The following AHNAK variants were observed in gnomAD, a reference collection of about 807,000 sequenced individuals.
AHNAK encodes AHNAK nucleoprotein.
In AHNAK, 23 loss-of-function variants were observed where a neutral mutation model predicts 37.8. The observed-to-expected ratio is 0.61, with a 90% CI of 0.44 to 0.86. The LOEUF is 0.86. Among genes scored for constraint, AHNAK ranks in the 40% least tolerant of loss-of-function variants. AHNAK has a pLI of 0.00. For missense variants in AHNAK, 7,411 were observed against 7,319.4 expected, an observed-to-expected ratio of 1.01 and a Z score of -0.46; for synonymous variants, 2,481 against 2,636.3, an observed-to-expected ratio of 0.94 and a Z score of 1.80.
Position 62,517,240 on chromosome 11 carries a change from C to A in AHNAK, c.17177G>T (p.Gly5726Val), listed in dbSNP as rs770916692. ...TGCTTCTGGTGAGCCAGTGACACCA[C>A]CTTTCCCTTTAGGTTTGGAAAAATT... ...KFNFSKPKGK[G>V]GVTGSPEASI... Residue 5726 changes from glycine to valine, a missense_variant, in exon 5 of 5, where the codon GGT becomes GTT. Physicochemically the swap from Gly to Val is moderately radical, Grantham distance 109. Transcript: ENST00000378024. The A allele has an allele frequency of 1.2e-6, 2 of 1,614,188 alleles. No homozygotes were observed. The highest frequency in any genetic ancestry group is 1.3e-5 in the African/African-American group (1 of 75,054).
At chr11:62,537,700 T>G (rs1940996094) in intron 1 of AHNAK, among the ~76,000 whole-genome samples, 1 of 151,526 alleles carries the variant, frequency 6.6e-6, no homozygotes, top group Non-Finnish European at 1.5e-5. Flanking sequence ...TTTTTTTTTT[T>G]GAGACGGAAT....
intron 4 of AHNAK, among the ~76,000 whole-genome samples, chr11:62,508,614 C>G (rs1281024096): frequency 6.6e-6 from 1 of 152,232 alleles, no homozygotes; most frequent in Non-Finnish European, 1.5e-5. Flanking sequence ...GGAAATGAAA[C>G]TGCCCTCCTC....
intron 1 of AHNAK, among the ~76,000 whole-genome samples, chr11:62,542,591 T>C (rs1057279344): frequency 6.6e-6 from 1 of 152,158 alleles, no homozygotes; most frequent in Non-Finnish European, 1.5e-5. Context: ...CATCCCATGC[T>C]ACAGTGAGCT....
At chr11:62,502,782 A>G (rs752416082) in intron 4 of AHNAK, among the ~76,000 whole-genome samples, 2 of 152,200 alleles carry the variant, frequency 1.3e-5, no homozygotes, top group Non-Finnish European at 2.9e-5. Context: ...TGAGGAAGAA[A>G]AGCCTGCATG....
rs149876125 is a variant in AHNAK at position 62,523,466 on chromosome 11, C to G, written c.10951G>C (p.Asp3651His). 1.1e-4 allele frequency: 175 copies of G among 1,613,426 alleles called. 1 individual carries two copies. In the East Asian group the frequency reaches 2.5e-3, roughly 23 times the overall value. The change falls in exon 5 of 5, where the codon GAT (aspartate) becomes CAT (histidine). Residue 3651 changes from aspartate to histidine, a missense_variant. By Grantham distance (81) the Asp-to-His change is moderately conservative. Transcript: ENST00000378024. ...AACTTGGGGCCCTTCAGCTTTGCAT[C>G]TGGACCTTCAATATTCACGTCTGGA... ...DVPDVNIEGPDAKLKGPKFKM... is the reference protein window; with the variant it reads ...DVPDVNIEGPHAKLKGPKFKM...
chr11:62,543,219 G>A (rs575878044), intron 1 of AHNAK, among the ~76,000 whole-genome samples: 10 of 152,292 alleles, frequency 6.6e-5, no homozygotes, highest in African/African-American at 1.2e-4. Flanking sequence ...CAAACTGCGC[G>A]TGCGGACATG....
rs1334649328 is a variant in AHNAK, at chr11:62,519,685, A to T, written c.14732T>A (p.Ile4911Lys). Residue 4911 changes from isoleucine (I) to lysine (K), a missense_variant, in exon 5 of 5, where the codon ATA (isoleucine) becomes AAA (lysine). Ile to Lys is a moderately radical substitution (Grantham distance 102). Coordinates refer to ENST00000378024, the MANE Select transcript of AHNAK (RefSeq NM_001620.3). ...GPSLKMPSLE[I>K]SAPKVTAPDV... ...AGGAGCAGTTACTTTAGGAGCAGAT[A>T]TCTCCAGCGATGGCATCTTCAAAGA... 6.2e-7 allele frequency: 1 copy of T among 1,613,976 alleles called. No homozygotes were observed. The highest frequency in any genetic ancestry group is 1.3e-5 in the African/African-American group (1 of 74,902).
chr11:62,507,200 G>A (rs1476976525), intron 4 of AHNAK, among the ~76,000 whole-genome samples: 6 of 152,084 alleles, frequency 3.9e-5, no homozygotes, highest in Non-Finnish European at 7.4e-5. Context: ...ACAGACCCCC[G>A]TGTGAATCCT....
downstream of AHNAK, chr11:62,515,785 A>T: frequency 2.8e-6 from 2 of 722,780 alleles, no homozygotes; most frequent in Non-Finnish European, 3.5e-6. Flanking sequence ...ACTGTCTTAA[A>T]GTCACTGATG....
intron 4 of AHNAK, among the ~76,000 whole-genome samples, chr11:62,506,487 A>G (rs1179824793): frequency 6.6e-6 from 1 of 152,152 alleles, no homozygotes; most frequent in Non-Finnish European, 1.5e-5. Flanking sequence ...TGTCAGGGGC[A>G]GGAGCAACTT....
At chr11:62,439,405 A>G (rs184394877) in intron 5 of AHNAK, among the ~76,000 whole-genome samples, 3 of 151,222 alleles carry the variant, frequency 2.0e-5, no homozygotes, top group Non-Finnish European at 3.0e-5. Flanking sequence ...CAGTTTCCCT[A>G]TTTTTCTCAT....
chr11:62,538,029 G>T (rs1258103147), intron 1 of AHNAK, among the ~76,000 whole-genome samples: 6 of 151,998 alleles, frequency 3.9e-5, no homozygotes, highest in Non-Finnish European at 8.8e-5. Flanking sequence ...TCTGCTGCTT[G>T]TAACAGGTGG....
rs1243854777 is a variant in AHNAK at position 62,531,178 on chromosome 11, T to C, written c.3239A>G (p.Lys1080Arg). 6.2e-7 allele frequency: 1 copy of C among 1,614,122 alleles called. No individual in the cohort carries two copies. The highest frequency in any genetic ancestry group is 8.5e-7 in the Non-Finnish European group (1 of 1,180,022). Residue 1080 changes from lysine (K) to arginine (R), a missense_variant, in exon 5 of 5, where the codon AAA (lysine) becomes AGA (arginine). Physicochemically the swap from Lys to Arg is conservative, Grantham distance 26 (BLOSUM62 2). Transcript: ENST00000378024. Reference sequence around the variant, plus strand: ...AGAGATATCTACATTTCCTTTCATTTTGGGTCCTTTAAGATCCAGGTCAAC... The same window carrying C: ...AGAGATATCTACATTTCCTTTCATTCTGGGTCCTTTAAGATCCAGGTCAAC... The part of the protein sequence containing the change: ...PDVDLDLKGP[K>R]MKGNVDISAP...
Position 62,527,923 on chromosome 11 carries a change from G to T in AHNAK, c.6494C>A (p.Ala2165Glu), listed in dbSNP as rs756775428. Residue 2165 changes from alanine to glutamate, a missense_variant, in exon 5 of 5, where the codon GCA (alanine) becomes GAA (glutamate). Transcript: ENST00000378024. ...VPDVELECPD[A>E]KLKGPKFKMP... ...CTTAAACTTGGGCCCTTTCAACTTT[G>T]CATCAGGACACTCCAGCTCAACATC... 103 of 1,609,042 alleles carry T rather than the reference G, an allele frequency of 6.4e-5. No individual in the cohort carries two copies. The highest frequency in any genetic ancestry group is 7.8e-5 in the Non-Finnish European group (92 of 1,178,856).
At chr11:62,462,619 C>T (rs947614918) in intron 5 of AHNAK, among the ~76,000 whole-genome samples, 1 of 152,180 alleles carries the variant, frequency 6.6e-6, no homozygotes, top group Non-Finnish European at 1.5e-5. Context: ...TAATCCAGAT[C>T]TTCTAACGCT....
In AHNAK at chr11:62,526,886, G is replaced by C. The variant is rs1940511922; in HGVS notation, c.7531C>G (p.Pro2511Ala). 6.2e-7 allele frequency: 1 copy of C among 1,613,978 alleles called. No homozygotes were observed. The highest frequency in any genetic ancestry group is 1.1e-5 in the South Asian group (1 of 91,088). The change falls in exon 5 of 5, where the codon CCC (proline) becomes GCC (alanine). Residue 2511 changes from proline (P) to alanine (A), a missense_variant. By Grantham distance (27) the Pro-to-Ala change is conservative. Coordinates refer to ENST00000378024, the MANE Select transcript of AHNAK (RefSeq NM_001620.3). ...VQAPDWHLKMPKMKMPKFSMP... is the reference protein window; with the variant it reads ...VQAPDWHLKMAKMKMPKFSMP... Reference sequence around the variant, plus strand: ...CTGAACTTGGGCATTTTCATCTTGGGCATCTTCAGGTGCCAGTCTGGAGCT... The same window carrying C: ...CTGAACTTGGGCATTTTCATCTTGGCCATCTTCAGGTGCCAGTCTGGAGCT...
Position 62,516,933 on chromosome 11 carries a change from C to G in AHNAK, c.17484G>C (p.Leu5828Phe). ...CATAATGACCTTTGCTCTTTGACCC[C>G]AATCCACCAAAGGTACCGAATTTCA... ...GKLKFGTFGGLGSKSKGHYEV... is the reference protein window; with the variant it reads ...GKLKFGTFGGFGSKSKGHYEV... The change falls in exon 5 of 5, where the codon TTG becomes TTC. Residue 5828 changes from leucine to phenylalanine, a missense_variant. Leu to Phe is a conservative substitution (Grantham distance 22). Coordinates refer to ENST00000378024, the MANE Select transcript of AHNAK (RefSeq NM_001620.3). 1 of 1,613,934 alleles carries G rather than the reference C, an allele frequency of 6.2e-7. No individual in the cohort carries two copies. The highest frequency in any genetic ancestry group is 8.5e-7 in the Non-Finnish European group (1 of 1,179,818).
intron 1 of AHNAK, among the ~76,000 whole-genome samples, chr11:62,539,311 G>C (rs939737160): frequency 1.3e-5 from 2 of 152,170 alleles, no homozygotes; most frequent in African/African-American, 4.8e-5. Flanking sequence ...CCTTCAGATC[G>C]CCCAGACACC....
intron 5 of AHNAK, among the ~76,000 whole-genome samples, chr11:62,452,044 C>T (rs906703964): frequency 2.2e-4 from 34 of 151,904 alleles, no homozygotes; most frequent in African/African-American, 7.3e-4. Context: ...GATCTCCTGA[C>T]CTCGTGATCC....
Sources: gnomAD v4.1 joint callset for allele counts (sites outside exome capture counted in the v4.1 genomes callset) on GRCh38, gnomAD v4.1.1 for gene constraint, MANE v1.5 for transcripts, NCBI Gene and HGNC (gene_info 2026-07-23, HGNC 2026-07-21) for gene names.